Variants in GREB1L observed in about 807,000 individuals in gnomAD.
GREB1L encodes GREB1 like retinoic acid receptor coactivator, also known as GREB1-like protein.
GREB1L carries 17 observed loss-of-function variants against 200.8 expected under a neutral mutation model. The observed-to-expected ratio is 0.08, with a 90% CI of 0.06 to 0.13. The LOEUF is 0.13. Ranked by LOEUF, GREB1L falls within the 10% of genes least tolerant of loss-of-function variation. The pLI, the probability that GREB1L is intolerant of heterozygous loss-of-function variation, is 1.00. For synonymous variants in GREB1L, 789 were observed against 893.0 expected (o/e 0.88, Z 2.08); for missense variants, 1,657 against 2,367.7 (o/e 0.70, Z 6.23).
chr18:21,278,381 AAAAAAAAAAAAT>A (rs1357571908), intron 1 of GREB1L, among the ~76,000 whole-genome samples: 1 of 77,472 alleles, frequency 1.3e-5, no homozygotes, highest in African/African-American at 5.3e-5. Flanking sequence ...ACTCCATCTC[AAAAAAAAAAAAT>A]AAATAAATAA....
At chr18:21,290,537 A>G (rs1423007005) in intron 1 of GREB1L, among the ~76,000 whole-genome samples, 1 of 152,274 alleles carries the variant, frequency 6.6e-6, no homozygotes, top group Admixed American at 6.5e-5. Context: ...AAGATAGACT[A>G]TCTCACCAGG....
intron 1 of GREB1L, among the ~76,000 whole-genome samples, chr18:21,246,835 C>G (rs1598602264): frequency 6.6e-6 from 1 of 152,152 alleles, no homozygotes; most frequent in Non-Finnish European, 1.5e-5. Context: ...ATTGTGATCA[C>G]AGTTTGCTGG....
At chr18:21,255,179 A>G (rs1273624321) in intron 1 of GREB1L, among the ~76,000 whole-genome samples, 1 of 152,156 alleles carries the variant, frequency 6.6e-6, no homozygotes, top group Non-Finnish European at 1.5e-5. Flanking sequence ...TAAAACCTCT[A>G]TTCTAGACAA....
At chr18:21,392,633 G>C (rs2040871698) in intron 4 of GREB1L, among the ~76,000 whole-genome samples, 1 of 151,946 alleles carries the variant, frequency 6.6e-6, no homozygotes, top group African/African-American at 2.4e-5. Flanking sequence ...CTGCAGTCTT[G>C]ATAATTTTAT....
intron 15 of GREB1L, among the ~76,000 whole-genome samples, chr18:21,459,307 C>T (rs1400249675): frequency 4.1e-5 from 4 of 97,910 alleles, no homozygotes; most frequent in Admixed American, 1.5e-4. Flanking sequence ...TTTTTTGAGA[C>T]GGAGTTTCAC....
intron 1 of GREB1L, among the ~76,000 whole-genome samples, chr18:21,269,817 A>G (rs1488192398): frequency 6.6e-6 from 1 of 152,232 alleles, no homozygotes; most frequent in Non-Finnish European, 1.5e-5. Flanking sequence ...ATGTTTATCA[A>G]TTAATTAGTC....
intron 17 of GREB1L, among the ~76,000 whole-genome samples, chr18:21,479,396 T>C (rs1293261968): frequency 6.6e-6 from 1 of 152,162 alleles, no homozygotes; most frequent in Admixed American, 6.5e-5. Flanking sequence ...AAAGTCATTT[T>C]AGCCAGGCAC....
chr18:21,371,106 A>G (rs961335830), intron 2 of GREB1L, among the ~76,000 whole-genome samples: 3 of 152,140 alleles, frequency 2.0e-5, no homozygotes, highest in Non-Finnish European at 4.4e-5. Context: ...ATTAATTACA[A>G]TTAAATAAAA....
At chr18:21,508,353 TC>T in intron 26 of GREB1L, 33 bp from the exon 27 acceptor site, 1 of 1,550,328 alleles carries the variant, frequency 6.5e-7, no homozygotes, top group East Asian at 2.4e-5. Flanking sequence ...GGCTTTAATT[TC>T]CCTTTATGGT....
intron 11 of GREB1L, among the ~76,000 whole-genome samples, chr18:21,446,035 T>C (rs997279890): frequency 5.9e-5 from 9 of 152,204 alleles, no homozygotes; most frequent in Admixed American, 1.3e-4. Flanking sequence ...TATTTGTTTG[T>C]TTGTTTTGAG....
At chr18:21,422,939 G>GT (rs138791909) in intron 7 of GREB1L, among the ~76,000 whole-genome samples, 1,572 of 151,338 alleles carry the variant, frequency 0.01, 37 homozygotes, top group African/African-American at 0.035. Context: ...TAAAATCTGT[G>GT]TTTTTTCTTT....
chr18:21,522,214 T>C (rs2037615702), intron 32 of GREB1L, among the ~76,000 whole-genome samples: 1 of 152,024 alleles, frequency 6.6e-6, no homozygotes, highest in African/African-American at 2.4e-5. Context: ...GGCTCACACC[T>C]GTAATCCCAG....
In GREB1L at chr18:21,268,560, C is replaced by CATATAT. The variant is rs370094258; in HGVS notation, c.-120+26195_-120+26200dup. Among the ~76,000 whole-genome samples the CATATAT allele has an allele frequency of 3.6e-3, 230 of 63,492 alleles. 2 individuals carry two copies. The highest frequency in any genetic ancestry group is 6.3e-3 in the Admixed American group (31 of 4,882). The allele number at this position is 63,492 out of a possible 152,430, so 41.7% of individuals were successfully genotyped here. A position where few individuals can be genotyped will look rare whatever the true frequency, so the allele number is the denominator to read the frequency against. On this transcript the variant is annotated intron_variant, in intron 1 of 32. Transcript: ENST00000424526. ...ACACACACACACACACACACACACA[C>CATATAT]ATATATATATATATATATATATATA...
At chr18:21,386,354 C>T (rs1487818111) in intron 4 of GREB1L, among the ~76,000 whole-genome samples, 6 of 152,174 alleles carry the variant, frequency 3.9e-5, no homozygotes, top group South Asian at 2.1e-4. Context: ...TGCAGTGGCG[C>T]GACCTCAGCT....
intron 29 of GREB1L, 82 bp from the exon 30 acceptor site, chr18:21,516,531 C>A: frequency 1.5e-6 from 2 of 1,315,138 alleles, no homozygotes; most frequent in Non-Finnish European, 1.0e-6. Context: ...TAATATCTTG[C>A]CACACATTTA....
Position 21,401,156 on chromosome 18 carries a change from C to G in GREB1L, c.539C>G (p.Ser180Cys). 6.4e-7 allele frequency: 1 copy of G among 1,551,478 alleles called. No individual in the cohort carries two copies. The highest frequency in any genetic ancestry group is 8.7e-7 in the Non-Finnish European group (1 of 1,146,866). ...TTGGTTTTCCTGACTTCAGGGTTTT[C>G]TGGAAATTGTATCGGCTGTGGAGAA... ...DHGKNALLGFSGNCIGCGERG... is the reference protein window; with the variant it reads ...DHGKNALLGFCGNCIGCGERG... Residue 180 changes from serine to cysteine, a missense_variant, in exon 6 of 33, where the codon TCT becomes TGT. By Grantham distance (112) the Ser-to-Cys change is moderately radical (BLOSUM62 -1). Transcript: ENST00000424526.
intron 2 of GREB1L, among the ~76,000 whole-genome samples, chr18:21,369,932 G>A (rs2039810307): frequency 7.0e-6 from 1 of 142,332 alleles, no homozygotes; most frequent in Non-Finnish European, 1.5e-5. Context: ...CTGGGCAGCA[G>A]AGCGAGACTC....
intron 1 of GREB1L, among the ~76,000 whole-genome samples, chr18:21,290,942 A>G (rs771211842): frequency 2.0e-5 from 3 of 152,110 alleles, no homozygotes; most frequent in Non-Finnish European, 4.4e-5. Flanking sequence ...TGTTGTTTAT[A>G]TAACGAGACT....
chr18:21,361,108 T>A (rs2039574347), intron 1 of GREB1L, among the ~76,000 whole-genome samples: 1 of 152,318 alleles, frequency 6.6e-6, no homozygotes, highest in South Asian at 2.1e-4. Context: ...ATGCAAAGAT[T>A]TAAATTTAGA....
Sources: allele counts gnomAD v4.1 joint callset (sites outside exome capture counted in the v4.1 genomes callset), GRCh38; gene constraint gnomAD v4.1.1; transcripts MANE v1.5; gene names NCBI Gene and HGNC (gene_info 2026-07-23, HGNC 2026-07-21).